ESRRG: variants seen among roughly 807,000 people sequenced by gnomAD.
ESRRG encodes estrogen related receptor gamma.
ESRRG carries 13 observed loss-of-function variants against 44.0 expected under a neutral mutation model. The ratio of observed to expected loss-of-function variants is 0.30; its 90% CI spans 0.19 to 0.47. The LOEUF (loss-of-function observed/expected upper bound fraction) is 0.47. Ranked by LOEUF, ESRRG falls within the 20% of genes least tolerant of loss-of-function variation. ESRRG has a pLI of 1.00. For missense variants in ESRRG, 395 were observed against 580.6 expected, an observed-to-expected ratio of 0.68 and a Z score of 3.29; for synonymous variants, 215 against 214.6, an observed-to-expected ratio of 1.00 and a Z score of -0.02.
chr1:217,028,758 A>T (rs971689935), intron 1 of ESRRG, among the ~76,000 whole-genome samples: 1 of 152,224 alleles, frequency 6.6e-6, no homozygotes, highest in Non-Finnish European at 1.5e-5. Context: ...GCCTAATTAC[A>T]TGGGCATCTG....
rs1553467759 is a variant in ESRRG, at chr1:216,658,896, A to AAGAGAAGAGAAGAGAAGAGG, written c.473-7808_473-7807insCCTCTTCTCTTCTCTTCTCT. On this transcript the variant is annotated intron_variant, in intron 2 of 6. Transcript: ENST00000408911. ...AAGAGAAGAGAAGAGAAGAGAAGAG[A>AAGAGAAGAGAAGAGAAGAGG]AGAGAAGAGAAGAGAAGAGAAATAA... Among the ~76,000 whole-genome samples the AAGAGAAGAGAAGAGAAGAGG allele has an allele frequency of 3.0e-3, 454 of 150,248 alleles. 6 individuals are homozygous for AAGAGAAGAGAAGAGAAGAGG. The highest frequency in any genetic ancestry group is 0.01 in the African/African-American group (422 of 40,388).
At chr1:216,908,556 C>T (rs1313282070) in intron 2 of ESRRG, among the ~76,000 whole-genome samples, 1 of 152,192 alleles carries the variant, frequency 6.6e-6, no homozygotes, top group Non-Finnish European at 1.5e-5. Flanking sequence ...ACACCAATTT[C>T]AGCTTGCTAG....
At chr1:216,788,811 C>T (rs928825163) in intron 2 of ESRRG, among the ~76,000 whole-genome samples, 1 of 152,010 alleles carries the variant, frequency 6.6e-6, no homozygotes, top group African/African-American at 2.4e-5. Context: ...GTCAAAATGT[C>T]AACATTAACA....
At chr1:216,530,641 T>G (rs970793109) in intron 5 of ESRRG, among the ~76,000 whole-genome samples, 1 of 152,170 alleles carries the variant, frequency 6.6e-6, no homozygotes, top group African/African-American at 2.4e-5. Context: ...ATTTGAAAAT[T>G]GTATTTAAGC....
chr1:216,945,058 C>T (rs1488514101), intron 1 of ESRRG, among the ~76,000 whole-genome samples: 2 of 152,100 alleles, frequency 1.3e-5, no homozygotes, highest in Admixed American at 1.3e-4. Flanking sequence ...GATCAGTCAG[C>T]TTATAATTAA....
chr1:216,801,426 C>T (rs1451193706), intron 2 of ESRRG, among the ~76,000 whole-genome samples: 1 of 152,172 alleles, frequency 6.6e-6, no homozygotes, highest in Non-Finnish European at 1.5e-5. Flanking sequence ...CCGACAACCC[C>T]CTGCCCCCTG....
At chr1:216,869,506 C>T (rs1476266660) in intron 2 of ESRRG, among the ~76,000 whole-genome samples, 1 of 152,026 alleles carries the variant, frequency 6.6e-6, no homozygotes, top group East Asian at 1.9e-4. Flanking sequence ...TATTCTTTTT[C>T]AAAATCAGTT....
At chr1:216,757,717 C>T (rs1333347303) in intron 2 of ESRRG, among the ~76,000 whole-genome samples, 1 of 152,006 alleles carries the variant, frequency 6.6e-6, no homozygotes, top group Non-Finnish European at 1.5e-5. Flanking sequence ...TACCTATGGT[C>T]TAGAGAGATA....
intron 2 of ESRRG, among the ~76,000 whole-genome samples, chr1:216,774,812 A>G (rs1384766525): frequency 1.8e-4 from 2 of 11,170 alleles, no homozygotes; most frequent in Non-Finnish European, 3.0e-4. Context: ...TTTTTTTTTT[A>G]AGACAGAATC....
intron 2 of ESRRG, among the ~76,000 whole-genome samples, chr1:216,666,938 C>G (rs937662591): frequency 1.3e-5 from 2 of 152,028 alleles, no homozygotes; most frequent in Non-Finnish European, 2.9e-5. Flanking sequence ...CTCTCCTCCC[C>G]CCAAAAAAAA....
chr1:216,616,421 C>T (rs1008116390), intron 3 of ESRRG, among the ~76,000 whole-genome samples: 2 of 152,176 alleles, frequency 1.3e-5, no homozygotes, highest in East Asian at 3.8e-4. Context: ...GACTAAAAAA[C>T]AAGCGTGTCT....
chr1:217,030,045 C>A (rs921543002), intron 1 of ESRRG, among the ~76,000 whole-genome samples: 1 of 152,114 alleles, frequency 6.6e-6, no homozygotes, highest in African/African-American at 2.4e-5. Flanking sequence ...GTACTACAGC[C>A]CTAGATTCCA....
chr1:216,994,218 A>G (rs570951932), intron 1 of ESRRG, among the ~76,000 whole-genome samples: 1 of 152,320 alleles, frequency 6.6e-6, no homozygotes, highest in East Asian at 1.9e-4. Context: ...CACCAGTTCA[A>G]ATTTTGTCTA....
At chr1:217,095,029 T>C (rs1414815788) in intron 1 of ESRRG, among the ~76,000 whole-genome samples, 1 of 145,350 alleles carries the variant, frequency 6.9e-6, no homozygotes, top group Non-Finnish European at 1.5e-5. Flanking sequence ...TGTGTGTCTG[T>C]GAGTGTGTGT....
intron 1 of ESRRG, among the ~76,000 whole-genome samples, chr1:217,015,731 A>AATTTTTTTTTTTTT (rs759911532): frequency 7.0e-6 from 1 of 142,116 alleles, no homozygotes. Flanking sequence ...GGGCAGCTAG[A>AATTTTTTTTTTTTT]TTTTTTTTTT....
At chr1:216,628,974 A>T (rs1260001714) in intron 3 of ESRRG, among the ~76,000 whole-genome samples, 1 of 151,720 alleles carries the variant, frequency 6.6e-6, no homozygotes, top group Non-Finnish European at 1.5e-5. Context: ...TGACCTCTCC[A>T]CTTGGAATAT....
At chr1:216,589,488 T>G (rs2057281404) in intron 3 of ESRRG, among the ~76,000 whole-genome samples, 1 of 152,090 alleles carries the variant, frequency 6.6e-6, no homozygotes, top group Non-Finnish European at 1.5e-5. Flanking sequence ...ACCCCTGATG[T>G]AGAATGAAAA....
intron 5 of ESRRG, among the ~76,000 whole-genome samples, chr1:216,545,091 C>T (rs1034001690): frequency 6.6e-6 from 1 of 151,870 alleles, no homozygotes; most frequent in African/African-American, 2.4e-5. Context: ...CGCTCTGTCA[C>T]CCAGTCTGGA....
In ESRRG at chr1:216,789,354, G is replaced by A. The variant is rs541619515; in HGVS notation, c.-13-111863C>T. Among the ~76,000 whole-genome samples the A allele has an allele frequency of 3.3e-5, 5 of 152,184 alleles. No homozygotes were observed. In the South Asian group the frequency reaches 8.3e-4, roughly 25 times the overall value. ...AGGCAAGACTCTCCACCAGCAAAAC[G>A]TTTATGACTTGGTGAAGGCTCAGAT... On this transcript the variant is annotated intron_variant, in intron 2 of 7. Transcript: ENST00000359162.
Sources: gnomAD v4.1 joint callset for allele counts (sites outside exome capture counted in the v4.1 genomes callset) on GRCh38, gnomAD v4.1.1 for gene constraint, MANE v1.5 for transcripts, NCBI Gene and HGNC (gene_info 2026-07-23, HGNC 2026-07-21) for gene names.